Variants in LIN9 observed in about 807,000 individuals in gnomAD.
The protein encoded by LIN9 is lin-9 DREAM MuvB core complex component, also known as protein lin-9 homolog.
In LIN9, 18 loss-of-function variants were observed where a neutral mutation model predicts 78.0. That is an observed-to-expected ratio of 0.23 (90% CI 0.16 to 0.34). LIN9 has a LOEUF of 0.34. Ranked by LOEUF, LIN9 falls within the 10% of genes least tolerant of loss-of-function variation. LIN9 has a pLI of 1.00. For missense variants in LIN9, 451 were observed against 644.1 expected (o/e 0.70, Z 3.25); for synonymous variants, 192 against 215.2 (o/e 0.89, Z 0.94).
chr1:226,257,299 G>C (rs1659268294), intron 10 of LIN9, among the ~76,000 whole-genome samples: 1 of 152,134 alleles, frequency 6.6e-6, no homozygotes, highest in African/African-American at 2.4e-5. Context: ...TTATATGTCA[G>C]AAACTCAGAT....
chr1:226,233,557 T>C (rs750493159), intron 12 of LIN9, 34 bp from the exon 13 acceptor site: 1 of 1,521,496 alleles, frequency 6.6e-7, no homozygotes, highest in Non-Finnish European at 8.9e-7. Context: ...GAGACGCATG[T>C]TCGAGAAGCC....
chr1:226,294,169 G>A (rs554418164), intron 4 of LIN9, among the ~76,000 whole-genome samples: 39 of 151,612 alleles, frequency 2.6e-4, no homozygotes, highest in African/African-American at 8.7e-4. Context: ...TTAGCCAGGT[G>A]TGGTGGTGCG....
chr1:226,248,418 T>C (rs1658620390), intron 11 of LIN9, among the ~76,000 whole-genome samples: 1 of 152,220 alleles, frequency 6.6e-6, no homozygotes, highest in South Asian at 2.1e-4. Flanking sequence ...TTACTTCTTT[T>C]TGTACCTCAT....
chr1:226,283,004 T>C (rs1376059151), intron 6 of LIN9, among the ~76,000 whole-genome samples: 1 of 152,196 alleles, frequency 6.6e-6, no homozygotes, highest in Non-Finnish European at 1.5e-5. Flanking sequence ...TTGCCCACGC[T>C]GGAGTGCAAG....
intron 12 of LIN9, among the ~76,000 whole-genome samples, chr1:226,235,363 C>T (rs1490289747): frequency 6.9e-6 from 1 of 144,154 alleles, no homozygotes; most frequent in Non-Finnish European, 1.5e-5. Context: ...GACTGCTATG[C>T]ATGCCACCAA....
chr1:226,271,896 T>C (rs1660299987), intron 7 of LIN9, among the ~76,000 whole-genome samples: 1 of 152,182 alleles, frequency 6.6e-6, no homozygotes, highest in African/African-American at 2.4e-5. Context: ...GATGTTAAAA[T>C]AGCCACTTTA....
chr1:226,292,904 T>C (rs1661885505), intron 4 of LIN9, among the ~76,000 whole-genome samples: 1 of 152,212 alleles, frequency 6.6e-6, no homozygotes, highest in South Asian at 2.1e-4. Flanking sequence ...TCTGTGTCTG[T>C]TTTCTCATCT....
chr1:226,246,369 G>A (rs935218849), intron 11 of LIN9, among the ~76,000 whole-genome samples: 4 of 152,106 alleles, frequency 2.6e-5, no homozygotes, highest in African/African-American at 7.2e-5. Flanking sequence ...TATTGTTTCT[G>A]TGGAGATGGT....
intron 10 of LIN9, among the ~76,000 whole-genome samples, chr1:226,259,333 T>C (rs1659415453): frequency 6.6e-6 from 1 of 152,070 alleles, no homozygotes; most frequent in Non-Finnish European, 1.5e-5. Flanking sequence ...TATTGACAAA[T>C]AGATCAATCC....
rs1657480370 is a variant in LIN9, at chr1:226,233,467, C to T, written c.1302G>A (p.Arg434=). The change falls in exon 13 of 15, where the codon AGG becomes AGA. Residue 434 remains arginine (R), a synonymous_variant. Coordinates refer to ENST00000681046, the MANE Select transcript of LIN9 (RefSeq NM_001366245.2). The part of the protein sequence containing the change: ...PADQPTDMRR[R]CEEEAQEIVR... ...CAATTTCCTGTGCTTCTTCCTCACA[C>T]CTGCGTCTCATATCTGTTGGCTGAT... is the stretch of plus-strand genomic sequence containing the variant. The T allele has an allele frequency of 3.1e-6, 5 of 1,614,076 alleles. No homozygotes were observed. Among genetic ancestry groups the T allele is most frequent in the Non-Finnish European group, 4.2e-6 (5 of 1,180,040 alleles).
intron 4 of LIN9, among the ~76,000 whole-genome samples, chr1:226,288,287 T>G (rs1661500756): frequency 6.6e-6 from 1 of 152,108 alleles, no homozygotes; most frequent in South Asian, 2.1e-4. Context: ...GGATACTTTT[T>G]TAACCTAATA....
chr1:226,241,641 G>A (rs1373188849), intron 11 of LIN9, among the ~76,000 whole-genome samples: 10 of 152,010 alleles, frequency 6.6e-5, no homozygotes, highest in Admixed American at 5.9e-4. Flanking sequence ...GGTGGATCAC[G>A]AGGTCAGGAG....
intron 11 of LIN9, among the ~76,000 whole-genome samples, chr1:226,245,750 A>C (rs1658436842): frequency 6.6e-6 from 1 of 152,038 alleles, no homozygotes; most frequent in Admixed American, 6.6e-5. Context: ...GCTGTGTGCC[A>C]CCACGCCTGG....
chr1:226,274,042 T>C (rs1660478196), intron 7 of LIN9, among the ~76,000 whole-genome samples: 1 of 152,024 alleles, frequency 6.6e-6, no homozygotes, highest in African/African-American at 2.4e-5. Context: ...TTCACCATGT[T>C]GGTCAGGCTG....
At chr1:226,290,271 T>C (rs1329533768) in intron 4 of LIN9, among the ~76,000 whole-genome samples, 2 of 150,738 alleles carry the variant, frequency 1.3e-5, no homozygotes, top group African/African-American at 2.4e-5. Flanking sequence ...TTTAAACATA[T>C]GAAAAGTGTC....
At chr1:226,266,187 T>A (rs774229444) in intron 9 of LIN9, 26 bp downstream of exon 9, 4 of 1,466,652 alleles carry the variant, frequency 2.7e-6, no homozygotes. Context: ...TCAATTAAAT[T>A]ATTGATATTT....
At chr1:226,266,475 T>A in intron 8 of LIN9, 143 bp from the exon 9 acceptor site, 1 of 521,994 alleles carries the variant, frequency 1.9e-6, no homozygotes, top group Non-Finnish European at 3.0e-6. Flanking sequence ...TTTAATTATT[T>A]ATAGAGTAGC....
chr1:226,251,208 C>T (rs1363258490), intron 10 of LIN9, among the ~76,000 whole-genome samples: 1 of 151,024 alleles, frequency 6.6e-6, no homozygotes. Context: ...CACACGCAAC[C>T]ATGCCTGACT....
intron 10 of LIN9, among the ~76,000 whole-genome samples, chr1:226,255,669 G>C (rs1326373516): frequency 6.6e-6 from 1 of 152,150 alleles, no homozygotes; most frequent in African/African-American, 2.4e-5. Flanking sequence ...GGATAAAATA[G>C]CATGCAAGAA....
Sources: gnomAD v4.1 joint callset for allele counts (sites outside exome capture counted in the v4.1 genomes callset) on GRCh38, gnomAD v4.1.1 for gene constraint, MANE v1.5 for transcripts, NCBI Gene and HGNC (gene_info 2026-07-23, HGNC 2026-07-21) for gene names.